Variants in NAALADL2 observed in about 807,000 individuals in gnomAD.
NAALADL2 encodes the protein inactive N-acetylated-alpha-linked acidic dipeptidase-like protein 2.
In NAALADL2, 76 loss-of-function variants were observed where a neutral mutation model predicts 87.2. That is an observed-to-expected ratio of 0.87 (90% CI 0.72 to 1.05). The LOEUF is 1.05. Among genes scored for constraint, NAALADL2 ranks in the 50% least tolerant of loss-of-function variants. NAALADL2 has a pLI of 0.00. For synonymous variants in NAALADL2, 354 were observed against 331.0 expected, an observed-to-expected ratio of 1.07 and a Z score of -0.75; for missense variants, 1,089 against 945.8, an observed-to-expected ratio of 1.15 and a Z score of -1.99.
At chr3:174,975,915 A>T (rs1246109590) in intron 1 of NAALADL2, among the ~76,000 whole-genome samples, 1 of 152,170 alleles carries the variant, frequency 6.6e-6, no homozygotes, top group Admixed American at 6.5e-5. Context: ...TGTGTCTAAC[A>T]CCTTGATTTT....
chr3:175,539,371 G>A (rs1230967602), intron 9 of NAALADL2, among the ~76,000 whole-genome samples: 1 of 152,052 alleles, frequency 6.6e-6, no homozygotes, highest in Non-Finnish European at 1.5e-5. Context: ...TATTTTTATT[G>A]ACAGTTACGC....
intron 3 of NAALADL2, among the ~76,000 whole-genome samples, chr3:174,822,272 C>G (rs1413273659): frequency 1.3e-5 from 2 of 152,006 alleles, no homozygotes; most frequent in Non-Finnish European, 2.9e-5. Context: ...GGTGATAAAC[C>G]CGACGGCCCC....
At chr3:175,718,537 TGTCATGTCTTC>T in intron 11 of NAALADL2, 2 of 1,591,490 alleles carry the variant, frequency 1.3e-6, no homozygotes, top group South Asian at 2.2e-5. Flanking sequence ...ATCTTGTAAG[TGTCATGTCTTC>T]GTCATCTTCT....
chr3:175,084,451 C>T (rs189803516), intron 1 of NAALADL2, among the ~76,000 whole-genome samples: 7 of 152,236 alleles, frequency 4.6e-5, no homozygotes, highest in Admixed American at 4.6e-4. Flanking sequence ...TCCATATGGT[C>T]TCTCCAACAA....
intron 9 of NAALADL2, among the ~76,000 whole-genome samples, chr3:175,565,875 G>A (rs1284611552): frequency 7.7e-6 from 1 of 129,296 alleles, no homozygotes; most frequent in Non-Finnish European, 1.5e-5. Flanking sequence ...TGTCCCCCAG[G>A]CTGGAGTGCA....
intron 2 of NAALADL2, among the ~76,000 whole-genome samples, chr3:175,141,854 A>T (rs1176502456): frequency 1.3e-5 from 2 of 152,096 alleles, no homozygotes; most frequent in African/African-American, 4.8e-5. Flanking sequence ...TATTCAAATG[A>T]TCAAGGTATT....
At chr3:175,251,206 T>G (rs1749009630) in intron 3 of NAALADL2, among the ~76,000 whole-genome samples, 1 of 152,240 alleles carries the variant, frequency 6.6e-6, no homozygotes, top group South Asian at 2.1e-4. Context: ...CTCTTTGTCG[T>G]CATCCCAAAA....
intron 1 of NAALADL2, among the ~76,000 whole-genome samples, chr3:174,446,827 G>C (rs555474608): frequency 6.6e-6 from 1 of 152,208 alleles, no homozygotes; most frequent in Non-Finnish European, 1.5e-5. Context: ...GGTTGTAGAA[G>C]CCAGCTTGAA....
chr3:175,501,424 G>GAC (rs61284771), intron 9 of NAALADL2, among the ~76,000 whole-genome samples: 90 of 148,930 alleles, frequency 6.0e-4, no homozygotes, highest in African/African-American at 1.6e-3. Flanking sequence ...ATACGTTTTA[G>GAC]ACACACACAC....
intron 1 of NAALADL2, among the ~76,000 whole-genome samples, chr3:174,489,100 GC>G (rs1718030079): frequency 6.6e-6 from 1 of 151,936 alleles, no homozygotes; most frequent in African/African-American, 2.4e-5. Context: ...CTGGTTGCTG[GC>G]TAAATCTTAT....
chr3:175,340,463 G>C (rs920146036), intron 5 of NAALADL2, among the ~76,000 whole-genome samples: 1 of 152,102 alleles, frequency 6.6e-6, no homozygotes, highest in Admixed American at 6.6e-5. Context: ...CGATTGCTGG[G>C]ATAATGCCCA....
rs1280998806 is a variant in NAALADL2, at chr3:174,845,762, G to T, written c.-9+108016G>T. Reference sequence around the variant, plus strand: ...TCCACCTGTTTTTCTGGGGGATAGGGTACCTCATGGTTTCAGCCATTAAGG... The same window carrying T: ...TCCACCTGTTTTTCTGGGGGATAGGTTACCTCATGGTTTCAGCCATTAAGG... On this transcript the variant is annotated intron_variant, in intron 3 of 3. Transcript: ENST00000434257. Among the ~76,000 whole-genome samples, 4 of 152,148 alleles carry T rather than the reference G, an allele frequency of 2.6e-5. No individual in the cohort carries two copies. In the East Asian group the frequency reaches 5.8e-4, roughly 22 times the overall value.
chr3:175,361,831 G>C (rs564832108), intron 5 of NAALADL2, among the ~76,000 whole-genome samples: 2 of 148,186 alleles, frequency 1.3e-5, no homozygotes, highest in Admixed American at 1.4e-4. Context: ...TGCTCACTCT[G>C]GTGGTAGTTT....
chr3:175,632,724 T>C (rs926472388), intron 11 of NAALADL2, among the ~76,000 whole-genome samples: 2 of 152,042 alleles, frequency 1.3e-5, no homozygotes, highest in Admixed American at 6.6e-5. Flanking sequence ...AAAGCGATGA[T>C]GACTTTGACA....
intron 2 of NAALADL2, among the ~76,000 whole-genome samples, chr3:175,137,146 C>T (rs1164710912): frequency 1.3e-5 from 2 of 151,958 alleles, no homozygotes; most frequent in Non-Finnish European, 2.9e-5. Context: ...AAAAATATTT[C>T]TCATTACACA....
intron 1 of NAALADL2, among the ~76,000 whole-genome samples, chr3:174,929,722 T>C (rs955420045): frequency 6.6e-6 from 1 of 152,188 alleles, no homozygotes; most frequent in Non-Finnish European, 1.5e-5. Context: ...TCCTTGATCT[T>C]ACTTTTTTTC....
chr3:175,195,972 G>C (rs1041775852), intron 2 of NAALADL2, among the ~76,000 whole-genome samples: 1 of 151,780 alleles, frequency 6.6e-6, no homozygotes, highest in African/African-American at 2.4e-5. Flanking sequence ...TTATATTTGG[G>C]GGCAAGTAGA....
At chr3:175,349,972 TCTA>T (rs140100469) in intron 5 of NAALADL2, among the ~76,000 whole-genome samples, 15,369 of 151,872 alleles carry the variant, frequency 0.1, 910 homozygotes, top group Admixed American at 0.14. Context: ...TGGGTCTTCT[TCTA>T]TGTTTGTGAC....
At chr3:175,119,196 GAAATAAT>G (rs925614908) in intron 2 of NAALADL2, among the ~76,000 whole-genome samples, 1 of 151,232 alleles carries the variant, frequency 6.6e-6, no homozygotes, top group Non-Finnish European at 1.5e-5. Flanking sequence ...GCAGGGATGA[GAAATAAT>G]AAATAATAAT....
Sources: allele counts gnomAD v4.1 joint callset (sites outside exome capture counted in the v4.1 genomes callset), GRCh38; gene constraint gnomAD v4.1.1; transcripts MANE v1.5; gene names NCBI Gene and HGNC (gene_info 2026-07-23, HGNC 2026-07-21).